REV1: variants seen among roughly 807,000 people sequenced by gnomAD.
REV1 encodes the protein REV1 DNA directed polymerase.
REV1 carries 42 observed loss-of-function variants against 137.4 expected under a neutral mutation model. That is an observed-to-expected ratio of 0.31 (90% CI 0.24 to 0.40). The LOEUF is 0.40. Ranked by LOEUF, REV1 falls within the 10% of genes least tolerant of loss-of-function variation. REV1 has a pLI of 1.00. For synonymous variants in REV1, 524 were observed against 519.2 expected (o/e 1.01, Z -0.12); for missense variants, 1,282 against 1,490.1 (o/e 0.86, Z 2.30).
intron 3 of REV1, among the ~76,000 whole-genome samples, chr2:99,450,948 T>C (rs930095635): frequency 7.9e-5 from 12 of 152,242 alleles, no homozygotes; most frequent in African/African-American, 2.9e-4. Context: ...TTAAACAAAA[T>C]GAATTCAAAA....
chr2:99,414,650 T>C (rs1575013020), intron 12 of REV1, among the ~76,000 whole-genome samples: 1 of 106,958 alleles, frequency 9.3e-6, no homozygotes, highest in African/African-American at 4.6e-5. Flanking sequence ...AATTTGCTCT[T>C]TTTGTTATTT....
At chr2:99,436,368 T>G (rs996734982) in intron 6 of REV1, among the ~76,000 whole-genome samples, 4 of 152,160 alleles carry the variant, frequency 2.6e-5, no homozygotes, top group African/African-American at 9.7e-5. Context: ...TGTATTTATT[T>G]AAATTCTCAC....
chr2:99,462,744 C>T, intron 2 of REV1, 122 bp from the exon 3 acceptor site: 8 of 971,136 alleles, frequency 8.2e-6, no homozygotes, highest in Non-Finnish European at 1.2e-5. Flanking sequence ...GTGACCAGAA[C>T]ATAATGATGA....
In REV1 at chr2:99,488,149, T is replaced by C; in HGVS notation, c.-11+1668A>G. Among the ~76,000 whole-genome samples, 2 of 118,960 alleles carry C rather than the reference T, an allele frequency of 1.7e-5. 1 individual carries two copies. 78.0% of individuals were successfully genotyped at this position (118,960 alleles called of 152,430 possible). A position where few individuals can be genotyped will look rare whatever the true frequency, so the allele number is the denominator to read the frequency against. ...CTATCAAAGAAAGTGCTTTCAAATA[T>C]ATATTATATGTAGTCACTGCAACTT... On this transcript the variant is annotated intron_variant, in intron 1 of 22. Transcript: ENST00000258428.
intron 1 of REV1, among the ~76,000 whole-genome samples, chr2:99,468,105 G>A (rs191572878): frequency 9.9e-5 from 15 of 152,016 alleles, no homozygotes; most frequent in East Asian, 1.9e-4. Context: ...GCTTGAACCC[G>A]GGAGGCGGAG....
intron 3 of REV1, among the ~76,000 whole-genome samples, chr2:99,452,318 T>C (rs886843309): frequency 6.6e-6 from 1 of 150,570 alleles, no homozygotes; most frequent in African/African-American, 2.4e-5. Flanking sequence ...TCCCAGCTAC[T>C]AGGGAGTCTG....
rs147396200 is a variant in REV1, at chr2:99,426,457, T to A, written c.1548-2177A>T. Among the ~76,000 whole-genome samples the A allele has an allele frequency of 8.6e-3, 1,309 of 152,330 alleles. 7 individuals carry two copies. Among genetic ancestry groups the A allele is most frequent in the Middle Eastern group, 0.014 (4 of 294 alleles). Reference sequence around the variant, plus strand: ...TACACAAAAATTTTCCGAAGCACATTACTTAGTAAAATATAGTACATCTAC... The same window carrying A: ...TACACAAAAATTTTCCGAAGCACATAACTTAGTAAAATATAGTACATCTAC... On this transcript the variant is annotated intron_variant, in intron 9 of 22. Transcript: ENST00000258428.
Position 99,449,418 on chromosome 2 carries a change from T to C in REV1, c.268A>G (p.Ile90Val), listed in dbSNP as rs2104948814. 2 of 1,573,044 alleles carry C rather than the reference T, an allele frequency of 1.3e-6. No individual in the cohort carries two copies. Among genetic ancestry groups the C allele is most frequent in the Non-Finnish European group, 1.7e-6 (2 of 1,161,098 alleles). The change falls in exon 4 of 23, where the codon ATT (isoleucine) becomes GTT (valine). Residue 90 changes from isoleucine to valine, a missense_variant. Physicochemically the swap from Ile to Val is conservative, Grantham distance 29. Coordinates refer to ENST00000258428, the MANE Select transcript of REV1 (RefSeq NM_016316.4). Reference sequence around the variant, plus strand: ...GCATTGGGAAGATTTGTGGCAATAATATGTGTTGTTTTAGATCTGGAATAA... The same window carrying C: ...GCATTGGGAAGATTTGTGGCAATAACATGTGTTGTTTTAGATCTGGAATAA... ...VYYSRSKTTH[I>V]IATNLPNAKI... is the part of the protein sequence containing the mutation.
intron 6 of REV1, among the ~76,000 whole-genome samples, chr2:99,437,195 T>A (rs1027956611): frequency 1.3e-5 from 2 of 151,588 alleles, no homozygotes; most frequent in Non-Finnish European, 2.9e-5. Flanking sequence ...GTTGCCCAGG[T>A]TGGTCTTGCA....
intron 3 of REV1, among the ~76,000 whole-genome samples, chr2:99,458,710 G>A (rs565366100): frequency 6.6e-6 from 1 of 152,200 alleles, no homozygotes; most frequent in Non-Finnish European, 1.5e-5. Flanking sequence ...CAATAAAAAG[G>A]CAACAATTTT....
Position 99,401,157 on chromosome 2 carries a change from G to T in REV1, c.*84C>A. The T allele has an allele frequency of 2.8e-6, 2 of 722,944 alleles. No individual in the cohort carries two copies. The highest frequency in any genetic ancestry group is 2.3e-6 in the Non-Finnish European group (1 of 439,396). The allele number at this position is 722,944 out of a possible 1,614,324, so 44.8% of individuals were successfully genotyped here. A position where few individuals can be genotyped will look rare whatever the true frequency, so the allele number is the denominator to read the frequency against. On this transcript the variant is annotated 3_prime_UTR_variant, in exon 23 of 23. Transcript: ENST00000258428. ...AGAAATTTAAAATTATAAAAACTCC[G>T]AGCATTACTATCATGCACTTTGCAA...
chr2:99,404,572 G>C lies in REV1; in HGVS notation c.2917C>G (p.Pro973Ala). 6.2e-7 allele frequency: 1 copy of C among 1,614,036 alleles called. No homozygotes were observed. Among genetic ancestry groups the C allele is most frequent in the Non-Finnish European group, 8.5e-7 (1 of 1,179,964 alleles). ...AESHGDKKKE[P>A]VNGCNTGILP... ...ATTCCTGTATTACAGCCATTTACTG[G>C]TTCTTTCTTTTTGTCGCCATGTGAC... Residue 973 changes from proline to alanine, a missense_variant, in exon 18 of 23, where the codon CCA becomes GCA. Coordinates refer to ENST00000258428, the MANE Select transcript of REV1 (RefSeq NM_016316.4).
At chr2:99,404,700 G>C in intron 17 of REV1, 23 bp from the exon 18 acceptor site, 1 of 1,542,110 alleles carries the variant, frequency 6.5e-7, no homozygotes, top group Non-Finnish European at 8.9e-7. Context: ...AAACATATGA[G>C]TAGGAAGTTA....
intron 1 of REV1, among the ~76,000 whole-genome samples, chr2:99,480,195 C>T (rs970992406): frequency 3.9e-5 from 6 of 152,074 alleles, no homozygotes; most frequent in African/African-American, 4.8e-5. Flanking sequence ...TGGTGGTGCA[C>T]GCCCATGGCC....
chr2:99,469,703 A>G (rs370656864), intron 1 of REV1, among the ~76,000 whole-genome samples: 7 of 152,230 alleles, frequency 4.6e-5, no homozygotes, highest in African/African-American at 1.4e-4. Context: ...CTACTTATGC[A>G]TGCATTTTTC....
intron 1 of REV1, among the ~76,000 whole-genome samples, chr2:99,479,755 G>A (rs1360434622): frequency 6.7e-6 from 1 of 148,644 alleles, no homozygotes; most frequent in Admixed American, 6.8e-5. Flanking sequence ...TGGCCTGGGA[G>A]ACAGAACAAG....
intron 5 of REV1, among the ~76,000 whole-genome samples, chr2:99,441,116 A>G (rs1348947887): frequency 2.8e-5 from 4 of 142,936 alleles, no homozygotes; most frequent in Non-Finnish European, 6.4e-5. Flanking sequence ...AAAGAAAGCT[A>G]AAGCTACGTA....
At chr2:99,467,806 G>C (rs1026470671) in intron 1 of REV1, among the ~76,000 whole-genome samples, 3 of 152,202 alleles carry the variant, frequency 2.0e-5, no homozygotes, top group Admixed American at 6.5e-5. Flanking sequence ...AGCACTTTGG[G>C]AGGCCGAGGT....
rs546688897 is a variant in REV1, at chr2:99,424,288, G to A, written c.1548-8C>T. ...TTCTTAATGCCAAGTTGCCTAGAGC[G>A]AGAACAAAACACAATGGAGGTTATT... On this transcript the variant is annotated splice_polypyrimidine_tract_variant and splice_region_variant and intron_variant, in intron 9 of 22. Transcript: ENST00000258428. 3.1e-5 allele frequency: 50 copies of A among 1,611,602 alleles called. No homozygotes were observed. In the African/African-American group the frequency reaches 3.5e-4, roughly 11 times the overall value.
Sources: gnomAD v4.1 joint callset for allele counts (sites outside exome capture counted in the v4.1 genomes callset) on GRCh38, gnomAD v4.1.1 for gene constraint, MANE v1.5 for transcripts, NCBI Gene and HGNC (gene_info 2026-07-23, HGNC 2026-07-21) for gene names.